The following HCN1 variants were observed in gnomAD, a reference collection of about 807,000 sequenced individuals.
HCN1 encodes the protein potassium/sodium hyperpolarization-activated cyclic nucleotide-gated channel 1.
HCN1 carries 13 observed loss-of-function variants against 78.9 expected under a neutral mutation model. That is an observed-to-expected ratio of 0.16 (90% CI 0.11 to 0.26). The LOEUF (loss-of-function observed/expected upper bound fraction) is 0.26, where lower values mean the gene tolerates loss of function less well. Among genes scored for constraint, HCN1 ranks in the 10% least tolerant of loss-of-function variants. The pLI is 1.00. For synonymous variants in HCN1, 552 were observed against 455.5 expected (o/e 1.21, Z -2.70); for missense variants, 810 against 1,154.3 (o/e 0.70, Z 4.32).
chr5:45,484,433 T>C (rs888650953), intron 2 of HCN1, among the ~76,000 whole-genome samples: 2 of 147,818 alleles, frequency 1.4e-5, no homozygotes, highest in Non-Finnish European at 3.0e-5. Context: ...GACGCCATCT[T>C]AAAAAAAAAA....
rs1484556052 is a variant in HCN1, at chr5:45,431,123, T to C, written c.1011+30723A>G. 3.9e-5 allele frequency among the ~76,000 whole-genome samples: 6 copies of C among 152,340 alleles called. No homozygotes were observed. The East Asian group carries it at 1.2e-3, about 29-fold the overall frequency. ...CATCTGTTATTTTTTGGCTTTTTAC[T>C]AGTAGCCATTCTGAATCGTGTGAAA... is the stretch of plus-strand genomic sequence containing the variant. On this transcript the variant is annotated intron_variant, in intron 3 of 7. Transcript: ENST00000303230.
At chr5:45,359,296 A>T (rs1437992704) in intron 4 of HCN1, among the ~76,000 whole-genome samples, 1 of 151,878 alleles carries the variant, frequency 6.6e-6, no homozygotes, top group African/African-American at 2.4e-5. Context: ...AATTATTAAT[A>T]ATTACTCATC....
At chr5:45,337,011 T>C (rs1403182892) in intron 5 of HCN1, among the ~76,000 whole-genome samples, 1 of 152,026 alleles carries the variant, frequency 6.6e-6, no homozygotes, top group Non-Finnish European at 1.5e-5. Flanking sequence ...AATACTCACC[T>C]TAGTAGCAAT....
At chr5:45,485,113 T>A (rs868621008) in intron 2 of HCN1, among the ~76,000 whole-genome samples, 1 of 152,208 alleles carries the variant, frequency 6.6e-6, no homozygotes, top group African/African-American at 2.4e-5. Context: ...CCTTATGTTA[T>A]CACTTATTAC....
At chr5:45,486,407 G>T (rs1741763521) in intron 2 of HCN1, among the ~76,000 whole-genome samples, 1 of 152,092 alleles carries the variant, frequency 6.6e-6, no homozygotes. Context: ...CAAAAACCTT[G>T]TTTTTTACCC....
intron 4 of HCN1, among the ~76,000 whole-genome samples, chr5:45,380,521 G>T (rs997397967): frequency 6.6e-6 from 1 of 152,018 alleles, no homozygotes; most frequent in South Asian, 2.1e-4. Flanking sequence ...GTTCAAAACT[G>T]CAGAGTTCTG....
chr5:45,614,954 T>C (rs1465947446), intron 2 of HCN1, among the ~76,000 whole-genome samples: 3 of 151,364 alleles, frequency 2.0e-5, no homozygotes, highest in Admixed American at 6.6e-5. Flanking sequence ...GAGTGGAATA[T>C]ATTTCAAAAC....
chr5:45,617,026 G>C (rs1398578946), intron 2 of HCN1, among the ~76,000 whole-genome samples: 1 of 152,020 alleles, frequency 6.6e-6, no homozygotes, highest in Non-Finnish European at 1.5e-5. Flanking sequence ...GTAGGAGCTA[G>C]AGGTGGGAGC....
chr5:45,344,183 T>C (rs1453301380), intron 5 of HCN1, among the ~76,000 whole-genome samples: 1 of 152,078 alleles, frequency 6.6e-6, no homozygotes, highest in African/African-American at 2.4e-5. Flanking sequence ...TACCATCAGA[T>C]CTTGGGAGAA....
intron 2 of HCN1, among the ~76,000 whole-genome samples, chr5:45,464,855 G>A (rs958717632): frequency 4.0e-5 from 6 of 151,890 alleles, no homozygotes; most frequent in East Asian, 1.9e-4. Context: ...ACTTCCTTAC[G>A]GAGCTCACAC....
intron 2 of HCN1, among the ~76,000 whole-genome samples, chr5:45,635,440 G>A (rs947129625): frequency 6.6e-6 from 1 of 151,966 alleles, no homozygotes; most frequent in African/African-American, 2.4e-5. Flanking sequence ...CACTACTCCT[G>A]ACTTAGATAG....
intron 6 of HCN1, among the ~76,000 whole-genome samples, chr5:45,273,688 T>C (rs1031359600): frequency 6.6e-6 from 1 of 152,142 alleles, no homozygotes; most frequent in Non-Finnish European, 1.5e-5. Context: ...ACTGATACCA[T>C]GAAATAAAAG....
At chr5:45,625,582 A>G (rs954720272) in intron 2 of HCN1, among the ~76,000 whole-genome samples, 2 of 152,096 alleles carry the variant, frequency 1.3e-5, no homozygotes, top group Admixed American at 6.5e-5. Context: ...CTATAAAATT[A>G]TAGAATAAAA....
chr5:45,402,375 A>G (rs1739831499), intron 3 of HCN1, among the ~76,000 whole-genome samples: 1 of 152,164 alleles, frequency 6.6e-6, no homozygotes, highest in African/African-American at 2.4e-5. Context: ...CAACATCAGC[A>G]GACATTTTAG....
chr5:45,417,751 CAAAAA>C (rs1212611466), intron 3 of HCN1, among the ~76,000 whole-genome samples: 1 of 14,796 alleles, frequency 6.8e-5, no homozygotes, highest in Non-Finnish European at 1.7e-4. Flanking sequence ...TGTAGAGAGA[CAAAAA>C]AAAAAAAAAA....
At position 45,262,060 on chromosome 5, in the gene HCN1, ATCTG is replaced by A. The variant is rs1266327810; in HGVS notation, c.2530_2533del (p.Gln844CysfsTer31). 1 of 1,613,776 alleles carries A rather than the reference ATCTG, an allele frequency of 6.2e-7. No homozygotes were observed. Among genetic ancestry groups the A allele is most frequent in the Non-Finnish European group, 8.5e-7 (1 of 1,180,014 alleles). The stretch of plus-strand genomic sequence containing the variant: ...GTTCGGGGGGATGGCTCCCGACGAC[ATCTG>A]TCGGAAGAGGGTGACGCGCTGCGGG... On this transcript the variant is annotated frameshift_variant, in exon 8 of 8. Coordinates refer to ENST00000303230, the MANE Select transcript of HCN1 (RefSeq NM_021072.4). LOFTEE classifies it high-confidence loss of function.
At chr5:45,627,646 T>C (rs892344718) in intron 2 of HCN1, among the ~76,000 whole-genome samples, 5 of 152,152 alleles carry the variant, frequency 3.3e-5, no homozygotes, top group Admixed American at 3.3e-4. Context: ...ACCACATATA[T>C]GCTGTTAGAA....
chr5:45,349,700 C>T (rs1048282101), intron 5 of HCN1, among the ~76,000 whole-genome samples: 11 of 151,924 alleles, frequency 7.2e-5, no homozygotes, highest in South Asian at 4.2e-4. Context: ...ATATCACCAC[C>T]GATCCCACAG....
intron 2 of HCN1, among the ~76,000 whole-genome samples, chr5:45,534,124 G>A (rs775195888): frequency 6.6e-6 from 1 of 151,944 alleles, no homozygotes; most frequent in Non-Finnish European, 1.5e-5. Flanking sequence ...AGCCGGGTAT[G>A]GTGGCTCATG....
Sources: allele counts gnomAD v4.1 joint callset (sites outside exome capture counted in the v4.1 genomes callset), GRCh38; gene constraint gnomAD v4.1.1; transcripts MANE v1.5; gene names NCBI Gene and HGNC (gene_info 2026-07-23, HGNC 2026-07-21).